FAM110B: variants seen among roughly 807,000 people sequenced by gnomAD.
FAM110B encodes family with sequence similarity 110 member B, also known as protein FAM110B.
FAM110B carries 6 observed loss-of-function variants against 20.4 expected under a neutral mutation model. The observed-to-expected ratio is 0.29, with a 90% CI of 0.16 to 0.58. The LOEUF is 0.58. Among genes scored for constraint, FAM110B ranks in the 20% least tolerant of loss-of-function variants. The pLI is 0.90. For synonymous variants in FAM110B, 226 were observed against 214.1 expected, an observed-to-expected ratio of 1.06 and a Z score of -0.49; for missense variants, 434 against 498.2, an observed-to-expected ratio of 0.87 and a Z score of 1.23.
At chr8:58,063,080 A>G (rs1007780457) in intron 2 of FAM110B, among the ~76,000 whole-genome samples, 13 of 152,294 alleles carry the variant, frequency 8.5e-5, no homozygotes, top group African/African-American at 2.9e-4. Context: ...TGAGGCTGCT[A>G]CTTACTAGCT....
chr8:58,071,943 G>A (rs1229065470), intron 2 of FAM110B, among the ~76,000 whole-genome samples: 1 of 152,132 alleles, frequency 6.6e-6, no homozygotes, highest in Admixed American at 6.6e-5. Flanking sequence ...TATCAGTAGC[G>A]GAGAGTGCAG....
At chr8:58,067,309 A>G (rs918878637) in intron 2 of FAM110B, among the ~76,000 whole-genome samples, 1 of 152,234 alleles carries the variant, frequency 6.6e-6, no homozygotes, top group Non-Finnish European at 1.5e-5. Context: ...ACACGTCTGC[A>G]TTCTGTGAGC....
chr8:58,077,200 A>C (rs888081226), intron 3 of FAM110B: 13 of 152,216 alleles, frequency 8.5e-5, no homozygotes, highest in African/African-American at 2.9e-4. Flanking sequence ...CATCGCCAGC[A>C]CTTGCGGAGC....
intron 2 of FAM110B, among the ~76,000 whole-genome samples, chr8:58,047,444 T>C (rs2150579174): frequency 6.6e-6 from 1 of 152,250 alleles, no homozygotes; most frequent in South Asian, 2.1e-4. Context: ...CCATTTTTGT[T>C]TCCTTTAGAA....
At chr8:58,016,680 A>T (rs1033341277) in intron 1 of FAM110B, among the ~76,000 whole-genome samples, 2 of 152,176 alleles carry the variant, frequency 1.3e-5, no homozygotes, top group African/African-American at 4.8e-5. Context: ...GCCTCATGCC[A>T]GGAAGTGCTC....
chr8:58,107,646 T>A (rs1043164427), intron 3 of FAM110B, among the ~76,000 whole-genome samples: 1 of 152,198 alleles, frequency 6.6e-6, no homozygotes, highest in African/African-American at 2.4e-5. Context: ...TTGAAAGATG[T>A]TTGTATAATG....
chr8:58,117,088 A>T (rs1807232530), intron 3 of FAM110B, among the ~76,000 whole-genome samples: 1 of 152,136 alleles, frequency 6.6e-6, no homozygotes, highest in Admixed American at 6.6e-5. Context: ...ATTTTATAGC[A>T]TTTTTGTGCC....
intron 1 of FAM110B, among the ~76,000 whole-genome samples, chr8:57,997,412 ATAT>A (rs1252888166): frequency 1.3e-5 from 2 of 152,228 alleles, no homozygotes; most frequent in Non-Finnish European, 2.9e-5. Flanking sequence ...GCTTGTAAAA[ATAT>A]TATTATGAAA....
chr8:58,013,990 G>T (rs558210715), intron 1 of FAM110B, among the ~76,000 whole-genome samples: 1 of 152,284 alleles, frequency 6.6e-6, no homozygotes, highest in South Asian at 2.1e-4. Flanking sequence ...TTGTGAACAA[G>T]GATTGACTGT....
chr8:58,131,840 A>G (rs373063542), intron 3 of FAM110B, among the ~76,000 whole-genome samples: 5 of 152,310 alleles, frequency 3.3e-5, no homozygotes, highest in African/African-American at 9.6e-5. Flanking sequence ...TCTTCTGCCT[A>G]TATAAACTTG....
At position 58,146,631 on chromosome 8, in the gene FAM110B, G is replaced by T. The variant is rs1803871973; in HGVS notation, c.401G>T (p.Gly134Val). ...IINSSEGSSS[G>V]SGHKHSSRNW... Reference sequence around the variant, plus strand: ...AATAGCTCCGAGGGCTCTAGCTCGGGCTCGGGGCACAAGCACAGCTCCCGC... The same window carrying T: ...AATAGCTCCGAGGGCTCTAGCTCGGTCTCGGGGCACAAGCACAGCTCCCGC... The change falls in exon 4 of 4, where the codon GGC becomes GTC. Residue 134 changes from glycine (G) to valine (V), a missense_variant. By Grantham distance (109) the Gly-to-Val change is moderately radical (BLOSUM62 -3). Around this residue, in one of 3 missense-constraint regions of FAM110B, gnomAD observed 284 missense variants for 278.3 expected, o/e 1.02. Coordinates refer to ENST00000519262, the MANE Select transcript of FAM110B (RefSeq NM_001377989.1). The T allele has an allele frequency of 6.2e-7, 1 of 1,613,634 alleles. No individual in the cohort carries two copies. The highest frequency in any genetic ancestry group is 1.3e-5 in the African/African-American group (1 of 74,912).
chr8:58,145,090 A>G (rs1295214135), intron 3 of FAM110B, among the ~76,000 whole-genome samples: 2 of 152,220 alleles, frequency 1.3e-5, no homozygotes, highest in Non-Finnish European at 2.9e-5. Context: ...ACCATGAAGA[A>G]ACTTTTGATT....
At chr8:58,102,677 T>C (rs1806807536) in intron 3 of FAM110B, among the ~76,000 whole-genome samples, 1 of 152,184 alleles carries the variant, frequency 6.6e-6, no homozygotes, top group East Asian at 1.9e-4. Context: ...TGTCTGCCAC[T>C]GCCCTCAGCC....
At chr8:58,044,558 A>G (rs1253326289) in intron 2 of FAM110B, among the ~76,000 whole-genome samples, 4 of 152,236 alleles carry the variant, frequency 2.6e-5, no homozygotes, top group Non-Finnish European at 5.9e-5. Context: ...CAGCTGAACA[A>G]TCAAACTAAG....
chr8:58,116,192 C>G (rs1055074387), intron 3 of FAM110B, among the ~76,000 whole-genome samples: 1 of 152,202 alleles, frequency 6.6e-6, no homozygotes, highest in South Asian at 2.1e-4. Flanking sequence ...ATGGTTCAAA[C>G]CCCTCGGATC....
chr8:58,146,289 C>T lies in FAM110B; in HGVS notation c.59C>T (p.Thr20Ile). 1 of 1,613,826 alleles carries T rather than the reference C, an allele frequency of 6.2e-7. No homozygotes were observed. Among genetic ancestry groups the T allele is most frequent in the South Asian group, 1.1e-5 (1 of 91,070 alleles). ...SMVKPVSPAG[T>I]FTSAVPLRIL... ...GTGAAGCCGGTCAGCCCCGCGGGCA[C>T]CTTCACCTCTGCTGTGCCCCTGCGC... Residue 20 changes from threonine to isoleucine, a missense_variant, in exon 4 of 4, where the codon ACC becomes ATC. Around this residue, in one of 3 missense-constraint regions of FAM110B, gnomAD observed 56 missense variants for 82.1 expected, o/e 0.68. Coordinates refer to ENST00000519262, the MANE Select transcript of FAM110B (RefSeq NM_001377989.1).
At chr8:58,105,597 C>G (rs1039716097) in intron 3 of FAM110B, among the ~76,000 whole-genome samples, 18 of 106,332 alleles carry the variant, frequency 1.7e-4, no homozygotes, top group Admixed American at 5.9e-4. Context: ...GTGACAGAGT[C>G]TGGCTCTGTC....
At chr8:58,035,876 TCCCTGC>T (rs1805066779) in intron 2 of FAM110B, among the ~76,000 whole-genome samples, 1 of 152,068 alleles carries the variant, frequency 6.6e-6, no homozygotes, top group Non-Finnish European at 1.5e-5. Context: ...CTGCCCTCCT[TCCCTGC>T]TTGCCCCTTC....
intron 3 of FAM110B, chr8:58,099,106 G>T (rs1806713255): frequency 6.6e-6 from 1 of 152,128 alleles, no homozygotes; most frequent in African/African-American, 2.4e-5. Context: ...TTCTATTCCT[G>T]CTGATTTCTT....
Sources: gnomAD v4.1 joint callset for allele counts (sites outside exome capture counted in the v4.1 genomes callset) on GRCh38, gnomAD v4.1.1 for gene constraint, gnomAD v4.1.1 regional missense constraint, MANE v1.5 for transcripts, NCBI Gene and HGNC (gene_info 2026-07-23, HGNC 2026-07-21) for gene names.